PPME1: variants seen among roughly 807,000 people sequenced by gnomAD.
PPME1 encodes the protein protein phosphatase methylesterase 1, also known as testicular secretory protein Li 39.
A neutral mutation model predicts 56.9 loss-of-function variants in PPME1; 17 were observed. That is an observed-to-expected ratio of 0.30 (90% CI 0.20 to 0.45). The LOEUF (loss-of-function observed/expected upper bound fraction) is 0.45, where lower values mean the gene tolerates loss of function less well. Ranked by LOEUF, PPME1 falls within the 20% of genes least tolerant of loss-of-function variation. PPME1 has a pLI of 1.00. For missense variants in PPME1, 357 were observed against 483.2 expected (o/e 0.74, Z 2.45); for synonymous variants, 122 against 156.2 (o/e 0.78, Z 1.63).
chr11:74,239,221 T>C lies in PPME1; in HGVS notation c.799T>C (p.Ser267Pro). 6.2e-7 allele frequency: 1 copy of C among 1,611,370 alleles called. No homozygotes were observed. Among genetic ancestry groups the C allele is most frequent in the Non-Finnish European group, 8.5e-7 (1 of 1,178,172 alleles). Residue 267 changes from serine (S) to proline (P), a missense_variant, in exon 9 of 14, where the codon TCT becomes CCT. Transcript: ENST00000328257. ...AGAAGAAGATGAGGAAGGAAGTGAG[T>C]CTATAAGCAAGAGGAAAAAGGAAGA... is the stretch of plus-strand genomic sequence containing the variant. ...EEEEDEEGSE[S>P]ISKRKKEDDM...
intron 1 of PPME1, among the ~76,000 whole-genome samples, chr11:74,199,236 A>G (rs1445430791): frequency 6.6e-6 from 1 of 152,166 alleles, no homozygotes; most frequent in East Asian, 1.9e-4. Context: ...CCAAGCTGGA[A>G]GTAATCTTTC....
intron 1 of PPME1, among the ~76,000 whole-genome samples, chr11:74,200,600 C>T (rs1858135805): frequency 6.6e-6 from 1 of 152,022 alleles, no homozygotes; most frequent in African/African-American, 2.4e-5. Flanking sequence ...GCAGGCTGGT[C>T]TCGAACTCCT....
intron 3 of PPME1, among the ~76,000 whole-genome samples, chr11:74,216,804 G>A (rs1858659106): frequency 6.6e-6 from 1 of 152,084 alleles, no homozygotes; most frequent in South Asian, 2.1e-4. Context: ...ACCTGATACT[G>A]CAGAAATTCA....
rs1858270573 is a variant in PPME1, at chr11:74,204,459, T to G, written c.288+14T>G. The G allele has an allele frequency of 1.0e-5, 16 of 1,588,924 alleles. No individual in the cohort carries two copies. The highest frequency in any genetic ancestry group is 1.3e-5 in the Non-Finnish European group (15 of 1,158,298). On this transcript the variant is annotated intron_variant, in intron 3 of 13. Coordinates refer to ENST00000328257, the MANE Select transcript of PPME1 (RefSeq NM_016147.3). ...GCTGTGTTCACGGTAAGTAGGTTGT[T>G]GATAGTACAAGTTAATGTTAGCACT...
chr11:74,221,706 G>A (rs1212049047), intron 3 of PPME1, among the ~76,000 whole-genome samples: 1 of 152,050 alleles, frequency 6.6e-6, no homozygotes, highest in African/African-American at 2.4e-5. Flanking sequence ...TTTAGTTTAG[G>A]AAGAAGATCC....
intron 1 of PPME1, among the ~76,000 whole-genome samples, chr11:74,173,980 G>C (rs1480383668): frequency 1.3e-5 from 2 of 152,156 alleles, no homozygotes; most frequent in Non-Finnish European, 2.9e-5. Flanking sequence ...ATATTTGTGT[G>C]GTCCTCAAAT....
intron 8 of PPME1, chr11:74,238,875 A>T (rs1859268053): frequency 3.2e-6 from 1 of 313,892 alleles, no homozygotes; most frequent in South Asian, 6.0e-5. Flanking sequence ...TGCCAATAAA[A>T]CTCATGCCTG....
At position 74,184,892 on chromosome 11, in the gene PPME1, G is replaced by A. The variant is rs572444878; in HGVS notation, c.101+13370G>A. Among the ~76,000 whole-genome samples, 9 of 150,962 alleles carry A rather than the reference G, an allele frequency of 6.0e-5. No homozygotes were observed. In the South Asian group the frequency reaches 1.9e-3, roughly 32 times the overall value. ...CTCAAAATGTCTCTTCAATTGAATT[G>A]AGATTAAATTAGCTGCTTATATAAG... On this transcript the variant is annotated intron_variant, in intron 1 of 13. Coordinates refer to ENST00000328257, the MANE Select transcript of PPME1 (RefSeq NM_016147.3).
At chr11:74,218,059 C>A (rs1858703746) in intron 3 of PPME1, among the ~76,000 whole-genome samples, 1 of 152,120 alleles carries the variant, frequency 6.6e-6, no homozygotes. Flanking sequence ...ACTGTTAGAA[C>A]TGATCAATTT....
In PPME1 at chr11:74,230,643, C is replaced by CAT. The variant is rs777187326; in HGVS notation, c.553+248_553+249dup. 5 of 600,688 alleles carry CAT rather than the reference C, an allele frequency of 8.3e-6. No homozygotes were observed. Among genetic ancestry groups the CAT allele is most frequent in the Non-Finnish European group, 1.4e-5 (5 of 350,790 alleles). 37.2% of individuals were successfully genotyped at this position (600,688 alleles called of 1,614,324 possible). A position where few individuals can be genotyped will look rare whatever the true frequency, so the allele number is the denominator to read the frequency against. On this transcript the variant is annotated intron_variant, in intron 6 of 13. Coordinates refer to ENST00000328257, the MANE Select transcript of PPME1 (RefSeq NM_016147.3). The surrounding 1 kb of genome is among the most constrained non-coding windows in gnomAD (Gnocchi z 4.9). ...TGTATGTCCCATAATTGTATTTAAT[C>CAT]ATATAAAAAGAAGCTGCCATGTCTT...
In PPME1 at chr11:74,183,581, A is replaced by G. The variant is rs533486185; in HGVS notation, c.101+12059A>G. 5.3e-5 allele frequency among the ~76,000 whole-genome samples: 8 copies of G among 152,280 alleles called. No homozygotes were observed. The South Asian group carries it at 1.7e-3, about 32-fold the overall frequency. On this transcript the variant is annotated intron_variant, in intron 1 of 13. Coordinates refer to ENST00000328257, the MANE Select transcript of PPME1 (RefSeq NM_016147.3). ...TAAGTGTAAAAGAGCTATTTCTTCT[A>G]TAGAAAAATAGAATGAATTCTTTTT... is the stretch of plus-strand genomic sequence containing the variant.
At chr11:74,174,102 TGA>T (rs1196429667) in intron 1 of PPME1, among the ~76,000 whole-genome samples, 1 of 151,802 alleles carries the variant, frequency 6.6e-6, no homozygotes, top group Non-Finnish European at 1.5e-5. Flanking sequence ...ATCATAAAGC[TGA>T]GAGAAAGCAT....
At chr11:74,225,641 C>T (rs1024092659) in intron 5 of PPME1, among the ~76,000 whole-genome samples, 64 of 152,074 alleles carry the variant, frequency 4.2e-4, no homozygotes, top group African/African-American at 1.4e-3. Flanking sequence ...AGGTATCCTG[C>T]GTACATTCTT....
At chr11:74,251,737 A>G (rs1478724326) in intron 13 of PPME1, 22 bp downstream of exon 13, 31 of 1,613,544 alleles carry the variant, frequency 1.9e-5, no homozygotes, top group Non-Finnish European at 2.6e-5. Context: ...ACAAGGGTTT[A>G]AGAACCCAGC....
At chr11:74,182,440 A>G (rs1304437326) in intron 1 of PPME1, among the ~76,000 whole-genome samples, 1 of 151,698 alleles carries the variant, frequency 6.6e-6, no homozygotes, top group Non-Finnish European at 1.5e-5. Context: ...GTTCACTGCA[A>G]CCTCTGCCTC....
intron 1 of PPME1, among the ~76,000 whole-genome samples, chr11:74,192,586 A>T (rs1369707427): frequency 6.6e-6 from 1 of 152,106 alleles, no homozygotes; most frequent in East Asian, 1.9e-4. Context: ...CTCGTGTTGA[A>T]ATGTAATCCC....
At chr11:74,212,779 C>A (rs1858514119) in intron 3 of PPME1, among the ~76,000 whole-genome samples, 1 of 151,830 alleles carries the variant, frequency 6.6e-6, no homozygotes. Context: ...AGGGAAGGAC[C>A]CAGTCCTGGC....
intron 11 of PPME1, chr11:74,248,154 G>C (rs990086787): frequency 3.3e-5 from 5 of 152,428 alleles, no homozygotes; most frequent in Admixed American, 6.5e-5. Flanking sequence ...TCTTGCTTTA[G>C]TACGGGTAAA....
At chr11:74,245,449 A>G (rs1326908278) in intron 9 of PPME1, among the ~76,000 whole-genome samples, 1 of 152,144 alleles carries the variant, frequency 6.6e-6, no homozygotes, top group Admixed American at 6.5e-5. Flanking sequence ...CCAATATTTG[A>G]TTGCATACTC....
Sources: gnomAD v4.1 joint callset for allele counts (sites outside exome capture counted in the v4.1 genomes callset) on GRCh38, gnomAD v4.1.1 for gene constraint, Gnocchi (gnomAD v3.1) non-coding constraint, MANE v1.5 for transcripts, NCBI Gene and HGNC (gene_info 2026-07-23, HGNC 2026-07-21) for gene names.